COL4A4: variants seen among roughly 807,000 people sequenced by gnomAD.
COL4A4 encodes the protein collagen alpha-4(IV) chain.
A neutral mutation model predicts 192.9 loss-of-function variants in COL4A4; 105 were observed. That is an observed-to-expected ratio of 0.54 (90% CI 0.46 to 0.64). The LOEUF is 0.64. Ranked by LOEUF, COL4A4 falls within the 30% of genes least tolerant of loss-of-function variation. The probability of loss-of-function intolerance (pLI) is 0.00; values close to 1 mark genes in which losing one functional copy is unlikely to be tolerated. For missense variants in COL4A4, 1,967 were observed against 2,169.3 expected, an observed-to-expected ratio of 0.91 and a Z score of 1.85; for synonymous variants, 762 against 769.9, an observed-to-expected ratio of 0.99 and a Z score of 0.17.
intron 42 of COL4A4, among the ~76,000 whole-genome samples, chr2:227,026,341 CA>C (rs1966856360): frequency 6.6e-6 from 1 of 151,788 alleles, no homozygotes; most frequent in African/African-American, 2.4e-5. Context: ...ACTAAAAATA[CA>C]AAAAAATTAG....
chr2:227,040,222 C>T (rs1368892017), intron 37 of COL4A4, among the ~76,000 whole-genome samples: 1 of 152,134 alleles, frequency 6.6e-6, no homozygotes, highest in Non-Finnish European at 1.5e-5. Context: ...ATTTCGTATA[C>T]GTATGAGTCA....
chr2:227,131,151 T>C (rs34441776), intron 4 of COL4A4, among the ~76,000 whole-genome samples: 51,929 of 151,204 alleles, frequency 0.34, 9,527 homozygotes, highest in Non-Finnish European at 0.41. Context: ...TTTTTTTTTT[T>C]TTTCTTTCTT....
In COL4A4 at chr2:227,145,176, G is replaced by A. The variant is rs149752419; in HGVS notation, c.72-618C>T. ...AAAAGACCACTAAAAGGCCAAGTGC[G>A]GTGGCTCAGGCTTGTAATCCCAGAA... On this transcript the variant is annotated intron_variant, in intron 2 of 47. Coordinates refer to ENST00000396625, the MANE Select transcript of COL4A4 (RefSeq NM_000092.5). Among the ~76,000 whole-genome samples the A allele has an allele frequency of 4.9e-3, 753 of 152,220 alleles. 10 individuals carry two copies. The highest frequency in any genetic ancestry group is 0.017 in the African/African-American group (725 of 41,534).
intron 2 of COL4A4, among the ~76,000 whole-genome samples, chr2:227,146,339 C>T (rs1027529420): frequency 6.6e-6 from 1 of 151,536 alleles, no homozygotes; most frequent in African/African-American, 2.4e-5. Context: ...CCATTTCTTC[C>T]ACGTCCACCC....
intron 4 of COL4A4, among the ~76,000 whole-genome samples, chr2:227,128,903 C>T (rs567897003): frequency 1.7e-4 from 26 of 152,252 alleles, no homozygotes; most frequent in African/African-American, 4.6e-4. Flanking sequence ...ATCTCCTTTC[C>T]GCACACCCGC....
intron 2 of COL4A4, among the ~76,000 whole-genome samples, chr2:227,145,402 G>A (rs2063486013): frequency 2.0e-5 from 3 of 152,154 alleles, no homozygotes; most frequent in East Asian, 1.9e-4. Flanking sequence ...AGCCGAGATC[G>A]TGCCACTGCG....
chr2:227,118,458 C>T (rs527607493), intron 7 of COL4A4, among the ~76,000 whole-genome samples, 187 bp downstream of exon 7: 1 of 152,328 alleles, frequency 6.6e-6, no homozygotes, highest in South Asian at 2.1e-4. Flanking sequence ...CTCCTTCCAT[C>T]ATCCACAAAG....
chr2:227,013,350 T>C (rs889077084), intron 44 of COL4A4, among the ~76,000 whole-genome samples: 8 of 152,132 alleles, frequency 5.3e-5, no homozygotes, highest in African/African-American at 1.9e-4. Context: ...AAATTTCATA[T>C]GTTGAAGTCC....
intron 47 of COL4A4, 37 bp downstream of exon 47, chr2:227,007,981 G>A (rs372763444): frequency 1.9e-5 from 30 of 1,600,996 alleles, no homozygotes; most frequent in Non-Finnish European, 2.4e-5. Flanking sequence ...TTAGGAAATG[G>A]TGAATGAGCC....
chr2:227,152,972 A>C (rs1012563325), intron 1 of COL4A4, among the ~76,000 whole-genome samples: 2 of 152,210 alleles, frequency 1.3e-5, no homozygotes, highest in African/African-American at 4.8e-5. Context: ...GAAAGGGGTT[A>C]ATTGACTCAC....
chr2:227,001,628 A>G (rs1960984588), downstream of COL4A4, among the ~76,000 whole-genome samples: 1 of 152,222 alleles, frequency 6.6e-6, no homozygotes, highest in Non-Finnish European at 1.5e-5. Context: ...TATCTTTAGA[A>G]CAGACAGACG....
chr2:227,010,769 T>C (rs1219088331), intron 45 of COL4A4, among the ~76,000 whole-genome samples: 2 of 152,174 alleles, frequency 1.3e-5, no homozygotes, highest in East Asian at 1.9e-4. Context: ...CCTGCCCTCA[T>C]AGAGCTTGCA....
rs1337085463 is a variant in COL4A4, at chr2:227,108,938, A to G, written c.658-70T>C. On this transcript the variant is annotated intron_variant, in intron 10 of 47. Transcript: ENST00000396625. ...AAATCAGAATGTGCCTTCTTTTGTT[A>G]CCCCAAAATAGGGTCCTATTTAGGA... The G allele has an allele frequency of 2.1e-6, 3 of 1,446,792 alleles. 1 individual carries two copies. The highest frequency in any genetic ancestry group is 2.8e-5 in the African/African-American group (2 of 71,496). 89.6% of individuals were successfully genotyped at this position (1,446,792 alleles called of 1,614,324 possible). A position where few individuals can be genotyped will look rare whatever the true frequency, so the allele number is the denominator to read the frequency against.
At chr2:226,995,250 T>G in the COL4A4 span, among the ~76,000 whole-genome samples, 1 of 152,192 alleles carries the variant, frequency 6.6e-6, no homozygotes, top group Non-Finnish European at 1.5e-5. Flanking sequence ...ACTCTAAAAA[T>G]ATTTACTTGA....
chr2:227,098,460 G>C (rs751916556), intron 19 of COL4A4, among the ~76,000 whole-genome samples: 16 of 152,274 alleles, frequency 1.1e-4, no homozygotes, highest in Admixed American at 2.6e-4. Flanking sequence ...TGAGTTCAGT[G>C]GTTCTTAACC....
In COL4A4 at chr2:227,045,803, TATATATATATATACAC is replaced by T. The variant is rs1363829523; in HGVS notation, c.3289+1656_3289+1671del. ...AAATACATATATATATATATACACA[TATATATATATATACAC>T]ATATATATATATACACACATATATA... On this transcript the variant is annotated intron_variant, in intron 35 of 47. Transcript: ENST00000396625. Among the ~76,000 whole-genome samples, 5 of 42,220 alleles carry T rather than the reference TATATATATATATACAC, an allele frequency of 1.2e-4. 2 individuals are homozygous for T. The South Asian group carries it at 3.3e-3, about 28-fold the overall frequency. 27.7% of individuals were successfully genotyped at this position (42,220 alleles called of 152,430 possible).
At position 227,002,829 on chromosome 2, in the gene COL4A4, A is replaced by C. The variant is rs913423952; in HGVS notation, c.*4496T>G. On this transcript the variant is annotated 3_prime_UTR_variant, in exon 48 of 48. Transcript: ENST00000396625. ...CATCTTGCAAAAGTTACATGCTGAA[A>C]GTCTTTAACTTTACAACCAGAGGTT... 2 of 152,164 alleles carry C rather than the reference A, an allele frequency of 1.3e-5. No individual in the cohort carries two copies. The highest frequency in any genetic ancestry group is 4.9e-5 in the African/African-American group (2 of 40,972). The allele number at this position is 152,164 out of a possible 1,614,324, so 9.4% of individuals were successfully genotyped here. A position where few individuals can be genotyped will look rare whatever the true frequency, so the allele number is the denominator to read the frequency against.
Position 227,004,384 on chromosome 2 carries a change from C to A in COL4A4, c.*2941G>T, listed in dbSNP as rs1244837273. The A allele has an allele frequency of 6.6e-6, 1 of 152,298 alleles. No homozygotes were observed. Among genetic ancestry groups the A allele is most frequent in the Non-Finnish European group, 1.5e-5 (1 of 68,126 alleles). 9.4% of individuals were successfully genotyped at this position (152,298 alleles called of 1,614,324 possible). On this transcript the variant is annotated 3_prime_UTR_variant, in exon 48 of 48. Coordinates refer to ENST00000396625, the MANE Select transcript of COL4A4 (RefSeq NM_000092.5). The stretch of plus-strand genomic sequence containing the variant: ...AGTGTCTGCAGAGCTGCACACAGTT[C>A]ATCATGACAGGAAATACTCCTAGAG...
At chr2:226,995,807 G>A in the COL4A4 span, 2 of 414,296 alleles carry the variant, frequency 4.8e-6, no homozygotes, top group East Asian at 4.4e-5. Flanking sequence ...ACTCAGCGAT[G>A]CCTCTGCCTC....
Sources: gnomAD v4.1 joint callset for allele counts (sites outside exome capture counted in the v4.1 genomes callset) on GRCh38, gnomAD v4.1.1 for gene constraint, MANE v1.5 for transcripts, NCBI Gene and HGNC (gene_info 2026-07-23, HGNC 2026-07-21) for gene names.